WDFY3: variants seen among roughly 807,000 people sequenced by gnomAD.
WDFY3 encodes the protein WD repeat and FYVE domain-containing protein 3.
WDFY3 carries 66 observed loss-of-function variants against 409.6 expected under a neutral mutation model. The ratio of observed to expected loss-of-function variants is 0.16; its 90% confidence interval spans 0.13 to 0.20. WDFY3 has a LOEUF of 0.20. Ranked by LOEUF, WDFY3 falls within the 10% of genes least tolerant of loss-of-function variation. WDFY3 has a pLI of 1.00. For missense variants in WDFY3, 3,031 were observed against 4,298.1 expected (o/e 0.71, Z 8.24); for synonymous variants, 1,521 against 1,537.1 (o/e 0.99, Z 0.25).
intron 44 of WDFY3, among the ~76,000 whole-genome samples, chr4:84,732,898 A>C (rs372869265): frequency 3.3e-4 from 50 of 152,312 alleles, no homozygotes; most frequent in Admixed American, 9.2e-4. Flanking sequence ...GCATTGGAAC[A>C]ATTCAAGCTG....
intron 4 of WDFY3, among the ~76,000 whole-genome samples, chr4:84,858,919 T>C (rs769935044): frequency 1.4e-5 from 2 of 147,794 alleles, no homozygotes; most frequent in Admixed American, 1.4e-4. Flanking sequence ...AAGAGAGAAA[T>C]GGGAGGACAG....
At chr4:84,727,965 G>A (rs892040642) in intron 44 of WDFY3, among the ~76,000 whole-genome samples, 1 of 151,780 alleles carries the variant, frequency 6.6e-6, no homozygotes, top group Admixed American at 6.6e-5. Context: ...GTATATATTT[G>A]TTAAAACTCA....
rs1182404861 is a variant in WDFY3 at position 84,690,495 on chromosome 4, TTC to T, written c.9363+9_9363+10del. On this transcript the variant is annotated intron_variant, in intron 61 of 67. Coordinates refer to ENST00000295888, the MANE Select transcript of WDFY3 (RefSeq NM_014991.6). ...TATGTCCTTCTTGGCATTTTCTATG[TTC>T]TCTCTTACCTGTTTGAGGGTGACGG... is the stretch of plus-strand genomic sequence containing the variant. 6.2e-6 allele frequency: 10 copies of T among 1,614,002 alleles called. No homozygotes were observed. The highest frequency in any genetic ancestry group is 8.5e-6 in the Non-Finnish European group (10 of 1,180,000).
At chr4:84,735,978 G>A (rs1737371251) in intron 42 of WDFY3, among the ~76,000 whole-genome samples, 192 bp downstream of exon 42, 1 of 152,042 alleles carries the variant, frequency 6.6e-6, no homozygotes, top group African/African-American at 2.4e-5. Context: ...TATAAAATGG[G>A]TATAAGTAAA....
rs1243655267 is a variant in WDFY3 at position 84,696,094 on chromosome 4, T to G, written c.8777A>C (p.Glu2926Ala). ...AAGATGATGGAAGACATTTACAGCT[T>G]CTACTGCAGCAGGGCCTTGCTGTTT... ...GYKQQGPAAVEAVNVFHHLFY... is the reference protein window; with the variant it reads ...GYKQQGPAAVAAVNVFHHLFY... The change falls in exon 58 of 68, where the codon GAA (glutamate) becomes GCA (alanine). Residue 2926 changes from glutamate (E) to alanine (A), a missense_variant. By Grantham distance (107) the Glu-to-Ala change is moderately radical. Coordinates refer to ENST00000295888, the MANE Select transcript of WDFY3 (RefSeq NM_014991.6). 6.2e-7 allele frequency: 1 copy of G among 1,614,162 alleles called. No individual in the cohort carries two copies. Among genetic ancestry groups the G allele is most frequent in the East Asian group, 2.2e-5 (1 of 44,852 alleles).
chr4:84,936,497 G>A (rs1439673531), intron 1 of WDFY3, among the ~76,000 whole-genome samples: 6 of 151,902 alleles, frequency 3.9e-5, no homozygotes, highest in African/African-American at 1.5e-4. Context: ...CTTCAGCCTG[G>A]GTGACATAGC....
intron 25 of WDFY3, 141 bp from the exon 26 acceptor site, chr4:84,780,439 G>T: frequency 2.1e-6 from 2 of 966,682 alleles, no homozygotes; most frequent in Non-Finnish European, 2.9e-6. Flanking sequence ...TCTAGGGAAA[G>T]CATTAAAGGT....
At chr4:84,815,996 TAAGA>T (rs1753247267) in intron 13 of WDFY3, among the ~76,000 whole-genome samples, 1 of 152,138 alleles carries the variant, frequency 6.6e-6, no homozygotes, top group African/African-American at 2.4e-5. Context: ...TGACTATAAG[TAAGA>T]GTTTTTCCTC....
At chr4:84,909,142 T>C (rs1412028367) in intron 2 of WDFY3, among the ~76,000 whole-genome samples, 1 of 152,018 alleles carries the variant, frequency 6.6e-6, no homozygotes, top group African/African-American at 2.4e-5. Context: ...GATGGGCCAA[T>C]ATATAACTTT....
intron 12 of WDFY3, among the ~76,000 whole-genome samples, chr4:84,819,848 G>C (rs1312198664): frequency 6.6e-6 from 1 of 152,006 alleles, no homozygotes; most frequent in Non-Finnish European, 1.5e-5. Context: ...TTCAACACAA[G>C]ACACTATAAA....
chr4:84,745,206 A>T (rs1739214596), intron 36 of WDFY3, among the ~76,000 whole-genome samples: 1 of 152,176 alleles, frequency 6.6e-6, no homozygotes, highest in South Asian at 2.1e-4. Flanking sequence ...TGTAGGAAAG[A>T]GCCTTTTGTC....
intron 43 of WDFY3, among the ~76,000 whole-genome samples, chr4:84,734,578 T>C (rs1015525586): frequency 6.6e-6 from 1 of 152,192 alleles, no homozygotes; most frequent in Non-Finnish European, 1.5e-5. Flanking sequence ...TTTCAATAAA[T>C]TTATTTTTCA....
chr4:84,867,494 C>T (rs1444855375), intron 3 of WDFY3, among the ~76,000 whole-genome samples: 1 of 152,074 alleles, frequency 6.6e-6, no homozygotes, highest in East Asian at 1.9e-4. Context: ...TATTTGGGTT[C>T]ATAAGAAAAA....
intron 17 of WDFY3, among the ~76,000 whole-genome samples, chr4:84,800,934 G>A (rs1750419316): frequency 6.6e-6 from 1 of 152,092 alleles, no homozygotes; most frequent in African/African-American, 2.4e-5. Flanking sequence ...TTCCTAACAG[G>A]ACATGGACCA....
chr4:84,741,126 T>A (rs1738331265), intron 38 of WDFY3, among the ~76,000 whole-genome samples: 1 of 152,128 alleles, frequency 6.6e-6, no homozygotes. Flanking sequence ...TAATATCAAC[T>A]CTTCATGCTG....
intron 49 of WDFY3, 81 bp downstream of exon 49, chr4:84,716,815 A>C: frequency 8.3e-7 from 1 of 1,207,222 alleles, no homozygotes; most frequent in Non-Finnish European, 1.1e-6. Flanking sequence ...TAAAAATAAA[A>C]AATAAAAAAT....
intron 19 of WDFY3, among the ~76,000 whole-genome samples, chr4:84,795,299 C>G (rs1256359028): frequency 1.3e-5 from 2 of 152,248 alleles, no homozygotes; most frequent in East Asian, 3.9e-4. Flanking sequence ...AGGAAAACTC[C>G]CATGTGCCCC....
chr4:84,856,400 C>T (rs1449860557), intron 4 of WDFY3, among the ~76,000 whole-genome samples: 3 of 152,128 alleles, frequency 2.0e-5, no homozygotes, highest in Non-Finnish European at 4.4e-5. Context: ...AACTAAAATG[C>T]TACTCATTTT....
intron 51 of WDFY3, among the ~76,000 whole-genome samples, chr4:84,710,783 T>C (rs949575098): frequency 6.6e-6 from 1 of 152,160 alleles, no homozygotes; most frequent in Non-Finnish European, 1.5e-5. Context: ...AAATAGCAAG[T>C]TTAAGATTAT....
Sources: allele counts gnomAD v4.1 joint callset (sites outside exome capture counted in the v4.1 genomes callset), GRCh38; gene constraint gnomAD v4.1.1; transcripts MANE v1.5; gene names NCBI Gene and HGNC (gene_info 2026-07-23, HGNC 2026-07-21).